Variants in GDAP1 observed in about 807,000 individuals in gnomAD.
The protein encoded by GDAP1 is ganglioside induced differentiation associated protein 1.
Under a neutral mutation model 40.1 loss-of-function variants are expected in GDAP1, and 34 were observed. That is an observed-to-expected ratio of 0.85 (90% CI 0.64 to 1.13). The LOEUF (loss-of-function observed/expected upper bound fraction) is 1.13. Ranked by LOEUF, GDAP1 falls within the 50% of genes most tolerant of loss-of-function variation. The pLI is 0.00. For synonymous variants in GDAP1, 170 were observed against 157.4 expected, an observed-to-expected ratio of 1.08 and a Z score of -0.60; for missense variants, 374 against 433.7, an observed-to-expected ratio of 0.86 and a Z score of 1.22.
chr8:74,413,453 AAGTCCTAGTTATGGATT>A lies in GDAP1; in HGVS notation c.165+62146_165+62162del, dbSNP rs1229220511. Among the ~76,000 whole-genome samples the A allele has an allele frequency of 3.6e-4, 54 of 149,710 alleles. 3 individuals carry two copies. Among genetic ancestry groups the A allele is most frequent in the African/African-American group, 1.2e-3 (47 of 39,096 alleles). On this transcript the variant is annotated intron_variant, in intron 2 of 2. Coordinates refer to the GDAP1 transcript ENST00000523640. ...GGAGAGGGAGAATGAGCACCAGGAG[AAGTCCTAGTTATGGATT>A]AGTCCTAGTTATGTATATGTATTTT...
At chr8:74,439,415 G>A (rs35773473) in intron 2 of GDAP1, among the ~76,000 whole-genome samples, 9 of 151,676 alleles carry the variant, frequency 5.9e-5, no homozygotes, top group African/African-American at 2.2e-4. Context: ...CCAAATTTTC[G>A]TATGTGTGTA....
At chr8:74,439,024 ATGTG>A (rs1175677505) in intron 2 of GDAP1, among the ~76,000 whole-genome samples, 1 of 132,742 alleles carries the variant, frequency 7.5e-6, no homozygotes, top group East Asian at 2.3e-4. Flanking sequence ...GTGTATGTGT[ATGTG>A]TATATATATG....
chr8:74,485,822 G>GA (rs923728698), intron 2 of GDAP1, among the ~76,000 whole-genome samples: 2 of 152,162 alleles, frequency 1.3e-5, no homozygotes, highest in African/African-American at 4.8e-5. Flanking sequence ...TTTGATGGGG[G>GA]ATTAGGGGGA....
Position 74,363,038 on chromosome 8 carries a change from A to C in GDAP1, c.679A>C (p.Asn227His), listed in dbSNP as rs1378955867. ...GGTTGAAACTGAATTGCAAAGAAGA[A>C]ATGAAGAAACCCCAGGTAGGTTCTC... ...DQVETELQRR[N>H]EETPEEGQQP... Residue 227 changes from asparagine to histidine, a missense_variant, in exon 5 of 6, where the codon AAT (asparagine) becomes CAT (histidine). Physicochemically the swap from Asn to His is moderately conservative, Grantham distance 68. Transcript: ENST00000220822. 6.7e-7 allele frequency: 1 copy of C among 1,485,760 alleles called. No homozygotes were observed. The highest frequency in any genetic ancestry group is 1.1e-5 in the South Asian group (1 of 88,302). The allele number at this position is 1,485,760 out of a possible 1,614,324, so 92.0% of individuals were successfully genotyped here.
chr8:74,404,509 A>G (rs1805611322), intron 2 of GDAP1, among the ~76,000 whole-genome samples: 1 of 149,920 alleles, frequency 6.7e-6, no homozygotes, highest in Admixed American at 6.6e-5. Context: ...AGAAGTGAAT[A>G]TACTGAGATG....
chr8:74,439,601 TTTTG>T (rs1441695437), intron 2 of GDAP1, among the ~76,000 whole-genome samples: 5 of 151,922 alleles, frequency 3.3e-5, no homozygotes, highest in African/African-American at 9.7e-5. Context: ...AGGTGTTTTT[TTTTG>T]TTTGTTTGTT....
At chr8:74,425,942 T>C (rs534356771) in intron 2 of GDAP1, among the ~76,000 whole-genome samples, 1 of 152,350 alleles carries the variant, frequency 6.6e-6, no homozygotes, top group African/African-American at 2.4e-5. Context: ...TTTCCAGTGC[T>C]GCAGTCTGAT....
At chr8:74,398,992 A>T (rs1054288352) in intron 2 of GDAP1, among the ~76,000 whole-genome samples, 9 of 152,068 alleles carry the variant, frequency 5.9e-5, no homozygotes, top group Non-Finnish European at 1.2e-4. Context: ...TTCATCAAGG[A>T]TATTGATCTA....
At position 74,365,482 on chromosome 8, in the gene GDAP1, A is replaced by G. The variant is rs1305338198; in HGVS notation, c.*1115A>G. ...ATGAATAACCTTGGAACTGCAACAA[A>G]TGGTTTGTGCTCAGAAAAAGTCTTT... On this transcript the variant is annotated 3_prime_UTR_variant, in exon 6 of 6. Coordinates refer to ENST00000220822, the MANE Select transcript of GDAP1 (RefSeq NM_018972.4). The G allele has an allele frequency of 4.4e-6, 2 of 453,936 alleles. No homozygotes were observed. Among genetic ancestry groups the G allele is most frequent in the Admixed American group, 4.7e-5 (2 of 42,548 alleles). 28.1% of individuals were successfully genotyped at this position (453,936 alleles called of 1,614,324 possible).
chr8:74,428,226 C>G (rs529679840), intron 2 of GDAP1, among the ~76,000 whole-genome samples: 1 of 29,172 alleles, frequency 3.4e-5, no homozygotes, highest in East Asian at 1.2e-3. Context: ...GACCCCATTG[C>G]TAACAACAAC....
chr8:74,359,999 A>T, intron 2 of GDAP1, 138 bp from the exon 3 acceptor site: 1 of 706,786 alleles, frequency 1.4e-6, no homozygotes, highest in East Asian at 2.7e-5. Flanking sequence ...TGAATGTCTG[A>T]GGTGAGGAGA....
intron 2 of GDAP1, among the ~76,000 whole-genome samples, chr8:74,445,478 C>T (rs1413787985): frequency 6.6e-6 from 1 of 152,042 alleles, no homozygotes; most frequent in Non-Finnish European, 1.5e-5. Context: ...ACATATTTAG[C>T]CTGGTATTTT....
Position 74,477,877 on chromosome 8 carries a change from C to T in GDAP1, c.166-10801C>T, listed in dbSNP as rs375725541. 4.6e-5 allele frequency among the ~76,000 whole-genome samples: 7 copies of T among 152,110 alleles called. No individual in the cohort carries two copies. The East Asian group carries it at 7.7e-4, about 17-fold the overall frequency. On this transcript the variant is annotated intron_variant, in intron 2 of 2. Transcript: ENST00000523640. ...CTTTCATGTGGATGTTCACAGTAGT[C>T]GCATTAGCAGCATGGTTGGGGTGGT... is the stretch of plus-strand genomic sequence containing the variant.
At chr8:74,485,840 C>A (rs2128721976) in intron 2 of GDAP1, among the ~76,000 whole-genome samples, 1 of 152,238 alleles carries the variant, frequency 6.6e-6, no homozygotes, top group South Asian at 2.1e-4. Context: ...GGAGTGTGGA[C>A]TCTGCTGGAC....
At chr8:74,352,992 A>G (rs1479912215) in intron 2 of GDAP1, among the ~76,000 whole-genome samples, 1 of 152,068 alleles carries the variant, frequency 6.6e-6, no homozygotes, top group African/African-American at 2.4e-5. Context: ...CCCTCCTTAC[A>G]CTGTTTTTCC....
intron 2 of GDAP1, among the ~76,000 whole-genome samples, chr8:74,422,349 C>CTTTA (rs1451707578): frequency 5.6e-5 from 2 of 35,474 alleles, no homozygotes; most frequent in African/African-American, 1.5e-4. Context: ...TTCTTTCTTT[C>CTTTA]TTCCCTTCCT....
At chr8:74,354,797 T>C (rs1809026090) in intron 2 of GDAP1, among the ~76,000 whole-genome samples, 1 of 152,226 alleles carries the variant, frequency 6.6e-6, no homozygotes, top group Non-Finnish European at 1.5e-5. Flanking sequence ...GTTGACATTT[T>C]GTCCAATTAT....
At chr8:74,380,021 AC>A (rs1279322212) in intron 2 of GDAP1, among the ~76,000 whole-genome samples, 5 of 152,226 alleles carry the variant, frequency 3.3e-5, no homozygotes, top group African/African-American at 9.6e-5. Context: ...CACTTGGGAT[AC>A]TGCTCTGATT....
At position 74,403,553 on chromosome 8, in the gene GDAP1, A is replaced by G. The variant is rs988186156; in HGVS notation, c.165+52232A>G. Among the ~76,000 whole-genome samples, 22 of 150,266 alleles carry G rather than the reference A, an allele frequency of 1.5e-4. 3 individuals carry two copies. Among genetic ancestry groups the G allele is most frequent in the African/African-American group, 5.6e-4 (22 of 39,536 alleles). On this transcript the variant is annotated intron_variant, in intron 2 of 2. Transcript: ENST00000523640. ...CTGGCCAAATATTTATAAGTTTTAC[A>G]CACTTAACGTTTTAGCTTTTGCTGG...
Sources: gnomAD v4.1 joint callset for allele counts (sites outside exome capture counted in the v4.1 genomes callset) on GRCh38, gnomAD v4.1.1 for gene constraint, MANE v1.5 for transcripts, NCBI Gene and HGNC (gene_info 2026-07-23, HGNC 2026-07-21) for gene names.